SH3BGRL: variants seen among roughly 807,000 people sequenced by gnomAD.
SH3BGRL encodes adapter SH3BGRL.
A neutral mutation model predicts 9.8 loss-of-function variants in SH3BGRL; 7 were observed. That is an observed-to-expected ratio of 0.72 (90% CI 0.41 to 1.35). SH3BGRL has a LOEUF of 1.35. Among genes scored for constraint, SH3BGRL ranks in the 40% most tolerant of loss-of-function variants. SH3BGRL has a pLI of 0.01. For missense variants in SH3BGRL, 73 were observed against 84.4 expected (o/e 0.86, Z 0.53); for synonymous variants, 36 against 29.1 (o/e 1.24, Z -0.76).
intron 3 of SH3BGRL, among the ~76,000 whole-genome samples, chrX:81,293,838 A>G (rs751077954): frequency 1.8e-5 from 2 of 112,285 alleles, no homozygotes; most frequent in South Asian, 3.7e-4. Context: ...GATATGGACA[A>G]TAAGGTCCAG....
At chrX:81,211,316 G>T (rs1190032295) in intron 1 of SH3BGRL, among the ~76,000 whole-genome samples, 1 of 112,035 alleles carries the variant, frequency 8.9e-6, no homozygotes, top group African/African-American at 3.3e-5. Context: ...CGGGCGCGGT[G>T]GCTCACGCCT....
chrX:81,263,484 G>A (rs992548917), intron 1 of SH3BGRL, among the ~76,000 whole-genome samples: 3 of 111,773 alleles, frequency 2.7e-5, no homozygotes, highest in Admixed American at 9.5e-5. Flanking sequence ...ATGTGGGGAC[G>A]ATTTCACCTG....
At chrX:81,208,157 G>C (rs763899894) in intron 1 of SH3BGRL, among the ~76,000 whole-genome samples, 2 of 110,997 alleles carry the variant, frequency 1.8e-5, no homozygotes, top group Admixed American at 9.5e-5. Context: ...AGCTACTTGG[G>C]AGGCTGAGGC....
At chrX:81,227,031 C>T (rs1206778598) in intron 1 of SH3BGRL, among the ~76,000 whole-genome samples, 1 of 112,406 alleles carries the variant, frequency 8.9e-6, no homozygotes, top group Non-Finnish European at 1.9e-5. Flanking sequence ...TCACTTAACT[C>T]TGTCACTGCT....
intron 1 of SH3BGRL, among the ~76,000 whole-genome samples, chrX:81,237,652 G>A (rs1165908563): frequency 3.6e-5 from 4 of 110,459 alleles, no homozygotes; most frequent in African/African-American, 9.9e-5. Flanking sequence ...AACTTGAAAG[G>A]CAGGCTAGGC....
At chrX:81,233,308 A>G (rs977366800) in intron 1 of SH3BGRL, among the ~76,000 whole-genome samples, 3 of 112,161 alleles carry the variant, frequency 2.7e-5, no homozygotes, top group Non-Finnish European at 3.8e-5. Context: ...TGCTTTGCAT[A>G]CGTAGAGCTT....
chrX:81,243,598 A>G (rs937177529), intron 1 of SH3BGRL, among the ~76,000 whole-genome samples: 5 of 111,391 alleles, frequency 4.5e-5, no homozygotes, highest in East Asian at 5.6e-4. Flanking sequence ...CCGATTCTCT[A>G]TGATATGGGG....
chrX:81,283,400 A>G (rs2075824242), intron 3 of SH3BGRL, among the ~76,000 whole-genome samples: 1 of 111,852 alleles, frequency 8.9e-6, no homozygotes. Context: ...CTTGATGAAC[A>G]TAGATGCTAA....
intron 1 of SH3BGRL, among the ~76,000 whole-genome samples, chrX:81,211,021 A>C (rs1212360421): frequency 8.9e-6 from 1 of 112,248 alleles, no homozygotes; most frequent in Non-Finnish European, 1.9e-5. Flanking sequence ...GATAAGATGA[A>C]TTGTTTTTTG....
chrX:81,233,487 G>T (rs1234682327), intron 1 of SH3BGRL, among the ~76,000 whole-genome samples: 1 of 111,596 alleles, frequency 9.0e-6, no homozygotes, highest in Non-Finnish European at 1.9e-5. Flanking sequence ...ATGAGCATTT[G>T]AATACCTTGC....
chrX:81,256,373 A>G (rs1422537276), intron 1 of SH3BGRL, among the ~76,000 whole-genome samples: 3 of 112,223 alleles, frequency 2.7e-5, no homozygotes, highest in Non-Finnish European at 5.6e-5. Flanking sequence ...ATTGCTCCAC[A>G]GTATTTAACT....
chrX:81,264,280 A>G (rs1233493573), intron 1 of SH3BGRL, among the ~76,000 whole-genome samples: 1 of 111,054 alleles, frequency 9.0e-6, no homozygotes, highest in African/African-American at 3.3e-5. Flanking sequence ...ATGAAAAACA[A>G]AACAAAACAA....
At chrX:81,269,524 T>C (rs1255561787) in intron 1 of SH3BGRL, among the ~76,000 whole-genome samples, 1 of 111,940 alleles carries the variant, frequency 8.9e-6, no homozygotes, top group East Asian at 2.8e-4. Flanking sequence ...TTCTTTTCTT[T>C]AAGAATGTTG....
intron 3 of SH3BGRL, among the ~76,000 whole-genome samples, chrX:81,285,441 T>A (rs1440474252): frequency 9.0e-6 from 1 of 111,721 alleles, no homozygotes; most frequent in African/African-American, 3.2e-5. Flanking sequence ...GTCAAGGATC[T>A]CAAAAATATT....
chrX:81,252,807 A>G (rs2075714805), intron 1 of SH3BGRL, among the ~76,000 whole-genome samples: 1 of 112,119 alleles, frequency 8.9e-6, no homozygotes, highest in African/African-American at 3.2e-5. Context: ...GCAGTTCAGC[A>G]TTTTTAAAAA....
At chrX:81,243,397 C>T (rs1260538601) in intron 1 of SH3BGRL, among the ~76,000 whole-genome samples, 2 of 111,267 alleles carry the variant, frequency 1.8e-5, no homozygotes, top group South Asian at 3.8e-4. Flanking sequence ...GAAAGGGTAG[C>T]GAGGGGGTCG....
intron 1 of SH3BGRL, among the ~76,000 whole-genome samples, chrX:81,272,720 C>T (rs974908174): frequency 6.4e-5 from 7 of 109,918 alleles, no homozygotes; most frequent in Non-Finnish European, 9.5e-5. Context: ...AGGATGGTCT[C>T]GATCTCCTGA....
At chrX:81,272,436 C>A (rs1391939275) in intron 1 of SH3BGRL, among the ~76,000 whole-genome samples, 1 of 110,692 alleles carries the variant, frequency 9.0e-6, no homozygotes, top group Non-Finnish European at 1.9e-5. Flanking sequence ...CTCATCCACT[C>A]CACTGTTAAA....
At chrX:81,270,799 C>T (rs1346603071) in intron 1 of SH3BGRL, among the ~76,000 whole-genome samples, 1 of 112,135 alleles carries the variant, frequency 8.9e-6, no homozygotes, top group Non-Finnish European at 1.9e-5. Flanking sequence ...GAGAAGCTGT[C>T]AGCCGCCTTT....
Sources: gnomAD v4.1 joint callset for allele counts (sites outside exome capture counted in the v4.1 genomes callset) on GRCh38, gnomAD v4.1.1 for gene constraint, MANE v1.5 for transcripts, NCBI Gene and HGNC (gene_info 2026-07-23, HGNC 2026-07-21) for gene names.